NCBP1: variants seen among roughly 807,000 people sequenced by gnomAD.
The protein encoded by NCBP1 is nuclear cap binding protein subunit 1.
In NCBP1, 16 loss-of-function variants were observed where a neutral mutation model predicts 111.7. The observed-to-expected ratio is 0.14, with a 90% CI of 0.10 to 0.22. The LOEUF is 0.22. Ranked by LOEUF, NCBP1 falls within the 10% of genes least tolerant of loss-of-function variation. The pLI, the probability that NCBP1 is intolerant of heterozygous loss-of-function variation, is 1.00. For missense variants in NCBP1, 607 were observed against 957.5 expected (o/e 0.63, Z 4.83); for synonymous variants, 304 against 314.3 (o/e 0.97, Z 0.35).
At position 97,650,614 on chromosome 9, in the gene NCBP1, C is replaced by G. The variant is rs1286860912; in HGVS notation, c.995+14C>G. ...AAGGAAGACTTGGTAAGATTCTTTT[C>G]ATGGTACTTTTAGAAGGGAGAGAAG... On this transcript the variant is annotated intron_variant, in intron 9 of 22. Transcript: ENST00000375147. 1.9e-6 allele frequency: 3 copies of G among 1,603,624 alleles called. No homozygotes were observed. Among genetic ancestry groups the G allele is most frequent in the Non-Finnish European group, 2.6e-6 (3 of 1,171,798 alleles).
intron 1 of NCBP1, among the ~76,000 whole-genome samples, chr9:97,636,481 ATATATTATATAAATTTATATT>A (rs1827030074): frequency 6.9e-6 from 1 of 145,642 alleles, no homozygotes; most frequent in Admixed American, 6.9e-5. Flanking sequence ...ATATATATTT[ATATATTATATAAATTTATATT>A]TATATATTAT....
chr9:97,634,071 G>A (rs1826917333), intron 1 of NCBP1, among the ~76,000 whole-genome samples, 156 bp downstream of exon 1: 1 of 152,220 alleles, frequency 6.6e-6, no homozygotes, highest in South Asian at 2.1e-4. Context: ...GGTGTGGTCG[G>A]GCGGCTTCTA....
intron 3 of NCBP1, among the ~76,000 whole-genome samples, chr9:97,642,925 C>T (rs972221474): frequency 2.6e-5 from 4 of 152,090 alleles, no homozygotes; most frequent in Non-Finnish European, 4.4e-5. Context: ...TGAAGAAAAA[C>T]TGTTGTAGCA....
At chr9:97,658,588 G>A (rs1827739119) in intron 14 of NCBP1, 52 bp from the exon 15 acceptor site, 7 of 1,398,540 alleles carry the variant, frequency 5.0e-6, no homozygotes, top group South Asian at 1.2e-5. Flanking sequence ...GGGTGTTACC[G>A]AAGAATGGGA....
In NCBP1 at chr9:97,655,929, T is replaced by C. The variant is rs377667712; in HGVS notation, c.1299-82T>C. 4.7e-5 allele frequency: 66 copies of C among 1,410,766 alleles called. 1 individual carries two copies. The highest frequency in any genetic ancestry group is 4.2e-4 in the South Asian group (34 of 81,574). 87.4% of individuals were successfully genotyped at this position (1,410,766 alleles called of 1,614,324 possible). A position where few individuals can be genotyped will look rare whatever the true frequency, so the allele number is the denominator to read the frequency against. On this transcript the variant is annotated intron_variant, in intron 13 of 22. Transcript: ENST00000375147. ...ACTTAACAAAACTTGTAAGTTGTTA[T>C]AAGTTAACAGATAATTATAGTACAA...
intron 14 of NCBP1, among the ~76,000 whole-genome samples, chr9:97,658,375 G>A (rs899738604): frequency 1.3e-5 from 2 of 152,160 alleles, no homozygotes; most frequent in South Asian, 2.1e-4. Flanking sequence ...TCTCCACCAT[G>A]CCCCATCATC....
At chr9:97,667,506 A>G (rs1486524161) in intron 20 of NCBP1, among the ~76,000 whole-genome samples, 3 of 152,188 alleles carry the variant, frequency 2.0e-5, no homozygotes, top group Non-Finnish European at 2.9e-5. Context: ...ACATATATGG[A>G]TATAAACACT....
intron 1 of NCBP1, among the ~76,000 whole-genome samples, chr9:97,637,969 T>C (rs1426086705): frequency 6.6e-6 from 1 of 152,104 alleles, no homozygotes. Context: ...GAAGTGGTAA[T>C]GTTATCTTTA....
intron 16 of NCBP1, among the ~76,000 whole-genome samples, chr9:97,661,738 T>G (rs1292538865): frequency 6.0e-5 from 9 of 151,098 alleles, no homozygotes; most frequent in African/African-American, 1.2e-4. Flanking sequence ...AAGTGTTTTT[T>G]TTTTTTTTTT....
chr9:97,641,699 T>A, intron 3 of NCBP1, 37 bp downstream of exon 3: 1 of 1,542,410 alleles, frequency 6.5e-7, no homozygotes, highest in Non-Finnish European at 8.8e-7. Context: ...CAGGTGATAA[T>A]GTATTATCTA....
At position 97,671,222 on chromosome 9, in the gene NCBP1, A is replaced by G. The variant is rs1235422446; in HGVS notation, c.*23A>G. Reference sequence around the variant, plus strand: ...TAAGGGTCATTTTTTCCTCATGTCAAGGTTTTTTTTGATATCTTAAAATAA... The same window carrying G: ...TAAGGGTCATTTTTTCCTCATGTCAGGGTTTTTTTTGATATCTTAAAATAA... On this transcript the variant is annotated 3_prime_UTR_variant, in exon 23 of 23. Coordinates refer to ENST00000375147, the MANE Select transcript of NCBP1 (RefSeq NM_002486.5). The G allele has an allele frequency of 3.3e-6, 5 of 1,507,764 alleles. No homozygotes were observed. Among genetic ancestry groups the G allele is most frequent in the African/African-American group, 1.4e-5 (1 of 71,148 alleles). The allele number at this position is 1,507,764 out of a possible 1,614,324, so 93.4% of individuals were successfully genotyped here.
At chr9:97,657,208 C>A (rs773450556) in intron 14 of NCBP1, among the ~76,000 whole-genome samples, 4 of 152,128 alleles carry the variant, frequency 2.6e-5, no homozygotes, top group African/African-American at 9.7e-5. Flanking sequence ...CCTCGTGATC[C>A]GCCCGCCTCG....
chr9:97,648,960 C>T (rs889634418), intron 8 of NCBP1, among the ~76,000 whole-genome samples: 1 of 152,110 alleles, frequency 6.6e-6, no homozygotes, highest in East Asian at 1.9e-4. Context: ...CTTCGTTTTC[C>T]CAAAGTGTTG....
At chr9:97,647,404 C>T in intron 6 of NCBP1, 88 bp from the exon 7 acceptor site, 1 of 1,029,294 alleles carries the variant, frequency 9.7e-7, no homozygotes, top group Non-Finnish European at 1.5e-6. Flanking sequence ...TATTTCATTG[C>T]TTTAATTTGC....
At chr9:97,665,818 T>G (rs1217517589) in intron 19 of NCBP1, among the ~76,000 whole-genome samples, 1 of 122,646 alleles carries the variant, frequency 8.2e-6, no homozygotes, top group Non-Finnish European at 1.6e-5. Flanking sequence ...AAAATTTAAC[T>G]AGTAGCCTAC....
At chr9:97,640,582 A>G (rs1208284707) in intron 1 of NCBP1, among the ~76,000 whole-genome samples, 2 of 152,086 alleles carry the variant, frequency 1.3e-5, no homozygotes, top group African/African-American at 4.8e-5. Flanking sequence ...AACATAAATA[A>G]TGCCTCCTGG....
intron 6 of NCBP1, among the ~76,000 whole-genome samples, chr9:97,646,829 G>T (rs1251084245): frequency 8.2e-6 from 1 of 122,312 alleles, no homozygotes; most frequent in Non-Finnish European, 1.6e-5. Context: ...AACAGAGTGA[G>T]ACTCCGTCTC....
At position 97,645,100 on chromosome 9, in the gene NCBP1, A is replaced by G. The variant is rs756244199; in HGVS notation, c.382-17A>G. The G allele has an allele frequency of 6.3e-7, 1 of 1,582,530 alleles. No individual in the cohort carries two copies. Among genetic ancestry groups the G allele is most frequent in the Non-Finnish European group, 8.7e-7 (1 of 1,151,554 alleles). ...AGAACATTTAGGTTTAATAGCAGAA[A>G]TTGTTTGCCCCAACAGGTCCGTTTT... On this transcript the variant is annotated splice_polypyrimidine_tract_variant and intron_variant, in intron 4 of 22. Transcript: ENST00000375147.
chr9:97,639,060 T>C (rs926871985), intron 1 of NCBP1, among the ~76,000 whole-genome samples: 6 of 152,200 alleles, frequency 3.9e-5, no homozygotes, highest in African/African-American at 1.4e-4. Context: ...GATCTATACT[T>C]AAGAATCAAG....
Sources: allele counts gnomAD v4.1 joint callset (sites outside exome capture counted in the v4.1 genomes callset), GRCh38; gene constraint gnomAD v4.1.1; transcripts MANE v1.5; gene names NCBI Gene and HGNC (gene_info 2026-07-23, HGNC 2026-07-21).